ST3GAL1: variants seen among roughly 807,000 people sequenced by gnomAD.
ST3GAL1 encodes the protein CMP-N-acetylneuraminate-beta-galactosamide-alpha-2,3-sialyltransferase 1.
In ST3GAL1, 16 loss-of-function variants were observed where a neutral mutation model predicts 34.1. The observed-to-expected ratio is 0.47, with a 90% CI of 0.32 to 0.71. The LOEUF (loss-of-function observed/expected upper bound fraction) is 0.71. Among genes scored for constraint, ST3GAL1 ranks in the 30% least tolerant of loss-of-function variants. The pLI, the probability that ST3GAL1 is intolerant of heterozygous loss-of-function variation, is 0.04. For synonymous variants in ST3GAL1, 191 were observed against 184.7 expected, an observed-to-expected ratio of 1.03 and a Z score of -0.28; for missense variants, 353 against 447.4, an observed-to-expected ratio of 0.79 and a Z score of 1.90.
chr8:133,492,489 A>G (rs1351314441), intron 3 of ST3GAL1, among the ~76,000 whole-genome samples: 3 of 152,230 alleles, frequency 2.0e-5, no homozygotes, highest in Non-Finnish European at 4.4e-5. Context: ...GGGAGGCTGC[A>G]GCAGGTGGAT....
chr8:133,541,034 CATATATAGACAT>C lies in ST3GAL1; in HGVS notation c.-429+4728_-429+4739del, dbSNP rs1263984486. ...ATATATATGCAGACATATATATAGA[CATATATAGACAT>C]ATATATAGACATATATATATAGACA... On this transcript the variant is annotated intron_variant, in intron 2 of 9. Transcript: ENST00000522652. 7.2e-5 allele frequency among the ~76,000 whole-genome samples: 7 copies of C among 96,652 alleles called. 1 individual carries two copies. The highest frequency in any genetic ancestry group is 1.2e-4 in the African/African-American group (3 of 24,518). The allele number at this position is 96,652 out of a possible 152,430, so 63.4% of individuals were successfully genotyped here.
At chr8:133,550,131 T>G (rs1818798395) in intron 1 of ST3GAL1, among the ~76,000 whole-genome samples, 1 of 152,208 alleles carries the variant, frequency 6.6e-6, no homozygotes. Flanking sequence ...AGGAACAGCC[T>G]GATGAGCTCC....
intron 5 of ST3GAL1, among the ~76,000 whole-genome samples, chr8:133,474,872 C>T (rs998713357): frequency 6.6e-6 from 1 of 152,134 alleles, no homozygotes; most frequent in East Asian, 1.9e-4. Flanking sequence ...TCTGTGTGAG[C>T]CTACCTTGTT....
Position 133,461,111 on chromosome 8 carries a change from C to T in ST3GAL1, c.849+764G>A, listed in dbSNP as rs1240157071. On this transcript the variant is annotated intron_variant, in intron 9 of 9. Coordinates refer to ENST00000522652, the MANE Select transcript of ST3GAL1 (RefSeq NM_173344.3). The surrounding 1 kb of genome is among the most constrained non-coding windows in gnomAD (Gnocchi z 4.7). The stretch of plus-strand genomic sequence containing the variant: ...AATGACAGGGGCACCCATGTTTCTA[C>T]CTGGGAACACCAGGGTGGGGCTGAG... 6.6e-6 allele frequency among the ~76,000 whole-genome samples: 1 copy of T among 152,138 alleles called. No homozygotes were observed. Among genetic ancestry groups the T allele is most frequent in the Non-Finnish European group, 1.5e-5 (1 of 68,006 alleles).
intron 2 of ST3GAL1, among the ~76,000 whole-genome samples, chr8:133,527,229 CA>C (rs1278866238): frequency 3.9e-5 from 6 of 152,126 alleles, no homozygotes; most frequent in African/African-American, 1.4e-4. Context: ...GGTGCCAAGC[CA>C]AAAGAGGGGC....
In ST3GAL1 at chr8:133,458,037, G is replaced by C. The variant is rs972964740; in HGVS notation, c.*1727C>G. 4 of 152,226 alleles carry C rather than the reference G, an allele frequency of 2.6e-5. No homozygotes were observed. The highest frequency in any genetic ancestry group is 4.8e-5 in the African/African-American group (2 of 41,444). 9.4% of individuals were successfully genotyped at this position (152,226 alleles called of 1,614,324 possible). On this transcript the variant is annotated 3_prime_UTR_variant, in exon 10 of 10. Transcript: ENST00000522652. ...CCACTCCACACCCAGCAGCAATAAG[G>C]TTTCACGGAGTTTTGGAGACTCCTA...
intron 2 of ST3GAL1, among the ~76,000 whole-genome samples, chr8:133,533,268 G>A (rs1285122498): frequency 1.3e-5 from 2 of 152,186 alleles, no homozygotes; most frequent in Non-Finnish European, 2.9e-5. Context: ...ACGTGCAGGT[G>A]TTGCAGACAC....
intron 3 of ST3GAL1, among the ~76,000 whole-genome samples, chr8:133,495,940 CTTA>C (rs1188734462): frequency 6.6e-6 from 1 of 152,168 alleles, no homozygotes; most frequent in African/African-American, 2.4e-5. Context: ...CACGCTGTGT[CTTA>C]TTTAGTCTTA....
chr8:133,463,516 G>A (rs1242477612), intron 7 of ST3GAL1, 57 bp from the exon 8 acceptor site: 38 of 1,582,558 alleles, frequency 2.4e-5, no homozygotes, highest in Non-Finnish European at 3.2e-5. Flanking sequence ...CCAGGAACCT[G>A]GGCATGCAGC....
chr8:133,489,602 G>A (rs1307865462), intron 3 of ST3GAL1: 7 of 152,260 alleles, frequency 4.6e-5, no homozygotes, highest in African/African-American at 1.7e-4. Context: ...ATGGCACCAG[G>A]GGATCCCTTG....
intron 1 of ST3GAL1, among the ~76,000 whole-genome samples, chr8:133,569,093 G>A (rs1402868610): frequency 2.0e-4 from 30 of 152,266 alleles, no homozygotes; most frequent in Non-Finnish European, 2.9e-5. Flanking sequence ...TTCTAGCAAC[G>A]CTTCCTGTTT....
chr8:133,525,341 T>G (rs1817935944), intron 2 of ST3GAL1, among the ~76,000 whole-genome samples: 1 of 152,186 alleles, frequency 6.6e-6, no homozygotes, highest in African/African-American at 2.4e-5. Flanking sequence ...GACACCTACA[T>G]GTCTGGCTGA....
chr8:133,509,828 C>T (rs902768745), intron 2 of ST3GAL1, among the ~76,000 whole-genome samples: 2 of 152,094 alleles, frequency 1.3e-5, no homozygotes, highest in African/African-American at 2.4e-5. Context: ...GAGGCCAAGG[C>T]GGGTGGATCA....
chr8:133,562,063 G>C (rs1173174031), intron 1 of ST3GAL1, among the ~76,000 whole-genome samples: 3 of 151,884 alleles, frequency 2.0e-5, no homozygotes, highest in Non-Finnish European at 4.4e-5. Flanking sequence ...CCAGGCAACA[G>C]AGCAAGACCC....
intron 1 of ST3GAL1, among the ~76,000 whole-genome samples, chr8:133,553,356 C>T (rs546207046): frequency 1.5e-4 from 23 of 152,290 alleles, no homozygotes; most frequent in African/African-American, 4.8e-4. Flanking sequence ...CAGCCTTGCC[C>T]GTGTGCCTCT....
At chr8:133,528,432 G>T (rs554971869) in intron 2 of ST3GAL1, among the ~76,000 whole-genome samples, 88 of 152,334 alleles carry the variant, frequency 5.8e-4, no homozygotes, top group African/African-American at 2.0e-3. Flanking sequence ...AATCCTGACT[G>T]CAGGACAGTC....
intron 1 of ST3GAL1, among the ~76,000 whole-genome samples, chr8:133,552,043 A>G (rs1452854530): frequency 6.6e-6 from 1 of 152,210 alleles, no homozygotes; most frequent in African/African-American, 2.4e-5. Context: ...TTTACTTGCC[A>G]TCAGTATTTA....
chr8:133,513,993 C>A (rs1049194096), intron 2 of ST3GAL1, among the ~76,000 whole-genome samples: 2 of 152,008 alleles, frequency 1.3e-5, no homozygotes, highest in African/African-American at 4.8e-5. Context: ...AACCAGGAAG[C>A]GTATTTTCAG....
In ST3GAL1 at chr8:133,518,259, G is replaced by A. The variant is rs151104311; in HGVS notation, c.-428-19070C>T. On this transcript the variant is annotated intron_variant, in intron 2 of 9. Coordinates refer to ENST00000522652, the MANE Select transcript of ST3GAL1 (RefSeq NM_173344.3). Reference sequence around the variant, plus strand: ...CCTTCCACTGTACTGCTAAGGGAGAGGCCCTGCCTCTGCCAGGATTCCAAT... The same window carrying A: ...CCTTCCACTGTACTGCTAAGGGAGAAGCCCTGCCTCTGCCAGGATTCCAAT... 6.0e-4 allele frequency among the ~76,000 whole-genome samples: 92 copies of A among 152,298 alleles called. 1 individual carries two copies. The East Asian group carries it at 0.014, about 24-fold the overall frequency.
Sources: gnomAD v4.1 joint callset for allele counts (sites outside exome capture counted in the v4.1 genomes callset) on GRCh38, gnomAD v4.1.1 for gene constraint, Gnocchi (gnomAD v3.1) non-coding constraint, MANE v1.5 for transcripts, NCBI Gene and HGNC (gene_info 2026-07-23, HGNC 2026-07-21) for gene names.